SEMA6D: variants seen among roughly 807,000 people sequenced by gnomAD.
SEMA6D encodes the protein semaphorin 6D, also known as semaphorin-6D.
A neutral mutation model predicts 106.6 loss-of-function variants in SEMA6D; 35 were observed. The ratio of observed to expected loss-of-function variants is 0.33; its 90% CI spans 0.25 to 0.44. The LOEUF is 0.44. SEMA6D is among the 20% of genes least tolerant of loss of function. The probability of loss-of-function intolerance (pLI) is 1.00; values close to 1 mark genes in which losing one functional copy is unlikely to be tolerated. For synonymous variants in SEMA6D, 499 were observed against 487.7 expected (o/e 1.02, Z -0.31); for missense variants, 1,185 against 1,345.9 (o/e 0.88, Z 1.87).
chr15:47,353,228 G>A (rs750592421), intron 1 of SEMA6D, among the ~76,000 whole-genome samples: 18 of 152,012 alleles, frequency 1.2e-4, no homozygotes, highest in Non-Finnish European at 7.4e-5. Context: ...AAAGAGTTAC[G>A]TGTTTTGTCT....
chr15:47,466,653 A>G (rs1373185675), intron 2 of SEMA6D, among the ~76,000 whole-genome samples: 4 of 151,866 alleles, frequency 2.6e-5, no homozygotes, highest in African/African-American at 7.3e-5. Flanking sequence ...ATCATTAATA[A>G]TTTCATTTCC....
At chr15:47,388,238 G>A (rs74011417) in intron 1 of SEMA6D, among the ~76,000 whole-genome samples, 12,033 of 152,154 alleles carry the variant, frequency 0.079, 978 homozygotes, top group African/African-American at 0.2. Flanking sequence ...TACACAGCCT[G>A]AGTTGTTTTT....
In SEMA6D at chr15:47,453,380, T is replaced by C. The variant is rs553349989; in HGVS notation, c.-158-17094T>C. On this transcript the variant is annotated intron_variant, in intron 2 of 19. Transcript: ENST00000558014. ...AGATATGAAAAAAGTAAATCAACAA[T>C]GCTAAACCTCACATAGAAATCCATC... Among the ~76,000 whole-genome samples, 8 of 151,850 alleles carry C rather than the reference T, an allele frequency of 5.3e-5. No individual in the cohort carries two copies. The South Asian group carries it at 8.3e-4, about 16-fold the overall frequency.
intron 3 of SEMA6D, among the ~76,000 whole-genome samples, chr15:47,495,978 T>C (rs1052065435): frequency 3.3e-5 from 5 of 152,088 alleles, no homozygotes; most frequent in African/African-American, 2.4e-5. Flanking sequence ...ATTTCTTTTA[T>C]AGACACACTT....
intron 3 of SEMA6D, among the ~76,000 whole-genome samples, chr15:47,528,823 T>A (rs1290326910): frequency 6.6e-6 from 1 of 152,158 alleles, no homozygotes. Context: ...AATTCAGGGG[T>A]AAGGGGCACC....
chr15:47,632,165 C>T (rs1337964219), intron 4 of SEMA6D, among the ~76,000 whole-genome samples: 2 of 151,880 alleles, frequency 1.3e-5, no homozygotes, highest in Non-Finnish European at 2.9e-5. Context: ...GGTCAGAGAA[C>T]ACACTCTGTA....
intron 1 of SEMA6D, among the ~76,000 whole-genome samples, chr15:47,358,105 C>G (rs1428508396): frequency 1.3e-5 from 2 of 152,158 alleles, no homozygotes; most frequent in Non-Finnish European, 2.9e-5. Context: ...GACCAGGGCT[C>G]TGAGTTTTTC....
At chr15:47,252,712 A>G (rs963039724) in intron 1 of SEMA6D, among the ~76,000 whole-genome samples, 1 of 152,154 alleles carries the variant, frequency 6.6e-6, no homozygotes, top group Admixed American at 6.5e-5. Context: ...CCATGTTATC[A>G]CAAATGACAG....
intron 1 of SEMA6D, among the ~76,000 whole-genome samples, chr15:47,383,512 T>C (rs1196030802): frequency 6.6e-6 from 1 of 152,202 alleles, no homozygotes; most frequent in Non-Finnish European, 1.5e-5. Context: ...GAGATCAGGC[T>C]TCTGGTATTT....
At chr15:47,455,137 G>A (rs1198642108) in intron 2 of SEMA6D, among the ~76,000 whole-genome samples, 2 of 151,662 alleles carry the variant, frequency 1.3e-5, no homozygotes, top group African/African-American at 4.8e-5. Flanking sequence ...GGAACCAGAG[G>A]AATAGGAGTC....
chr15:47,432,295 C>T (rs1482592062), intron 2 of SEMA6D, among the ~76,000 whole-genome samples: 1 of 152,020 alleles, frequency 6.6e-6, no homozygotes, highest in Non-Finnish European at 1.5e-5. Context: ...GCAAAAAGTG[C>T]TTTCCTGAAT....
In SEMA6D at chr15:47,764,941, G is replaced by A. The variant is rs778421456; in HGVS notation, c.1312G>A (p.Val438Ile). The change falls in exon 13 of 19, where the codon GTC (valine) becomes ATC (isoleucine). Residue 438 changes from valine (V) to isoleucine (I), a missense_variant. By Grantham distance (29) the Val-to-Ile change is conservative (BLOSUM62 3). This residue lies in a region of SEMA6D where 291 missense variants were observed against 423.8 expected (regional missense o/e 0.69). Coordinates refer to ENST00000536845, the MANE Select transcript of SEMA6D (RefSeq NM_001358351.3). Reference sequence around the variant, plus strand: ...AGCCGGACCCTACCAGAACTACACAGTCATCTTTGTTGGCTCTGAAGCTGG... The same window carrying A: ...AGCCGGACCCTACCAGAACTACACAATCATCTTTGTTGGCTCTGAAGCTGG... ...HSAGPYQNYT[V>I]IFVGSEAGMV... The A allele has an allele frequency of 1.2e-6, 2 of 1,613,958 alleles. No homozygotes were observed. Among genetic ancestry groups the A allele is most frequent in the Non-Finnish European group, 1.7e-6 (2 of 1,179,886 alleles).
chr15:47,438,434 G>A (rs983744539), intron 2 of SEMA6D, among the ~76,000 whole-genome samples: 3 of 152,024 alleles, frequency 2.0e-5, no homozygotes, highest in Non-Finnish European at 4.4e-5. Flanking sequence ...GTTTCACCTT[G>A]CACACAGTAA....
chr15:47,512,807 C>A (rs1470722247), intron 3 of SEMA6D, among the ~76,000 whole-genome samples: 2 of 152,128 alleles, frequency 1.3e-5, no homozygotes, highest in African/African-American at 4.8e-5. Context: ...TGGTGATTTG[C>A]CTCTGAGTCA....
At chr15:47,289,413 A>G (rs981150113) in intron 1 of SEMA6D, among the ~76,000 whole-genome samples, 1 of 151,632 alleles carries the variant, frequency 6.6e-6, no homozygotes, top group Admixed American at 6.6e-5. Flanking sequence ...AAAAAAAAAA[A>G]AAAGAAAAGG....
chr15:47,371,000 TC>T (rs2039253367), intron 1 of SEMA6D, among the ~76,000 whole-genome samples: 2 of 152,170 alleles, frequency 1.3e-5, no homozygotes, highest in Admixed American at 1.3e-4. Flanking sequence ...AGGTAAGACG[TC>T]CCGCCAGTCA....
At chr15:47,194,677 A>G (rs1456368905) in intron 1 of SEMA6D, among the ~76,000 whole-genome samples, 1 of 152,220 alleles carries the variant, frequency 6.6e-6, no homozygotes, top group Non-Finnish European at 1.5e-5. Context: ...ACCTGATGTC[A>G]TGACATAAAA....
chr15:47,599,896 C>G (rs1309028082), intron 3 of SEMA6D, among the ~76,000 whole-genome samples: 1 of 151,912 alleles, frequency 6.6e-6, no homozygotes, highest in Non-Finnish European at 1.5e-5. Context: ...TAAATACTTT[C>G]TTTTTTTAAT....
At chr15:47,618,780 A>G (rs373378065) in intron 4 of SEMA6D, among the ~76,000 whole-genome samples, 8 of 152,350 alleles carry the variant, frequency 5.3e-5, no homozygotes, top group African/African-American at 1.9e-4. Context: ...CATAGGTAAC[A>G]TTGAACATGT....
Sources: allele counts gnomAD v4.1 joint callset (sites outside exome capture counted in the v4.1 genomes callset), GRCh38; gene constraint gnomAD v4.1.1; regional missense constraint gnomAD v4.1.1; transcripts MANE v1.5; gene names NCBI Gene and HGNC (gene_info 2026-07-23, HGNC 2026-07-21).